The following WDR44 variants were observed in gnomAD, a reference collection of about 807,000 sequenced individuals.
WDR44 encodes the protein WD repeat-containing protein 44.
Under a neutral mutation model 65.7 loss-of-function variants are expected in WDR44, and 9 were observed. The ratio of observed to expected loss-of-function variants is 0.14; its 90% confidence interval spans 0.08 to 0.24. The LOEUF (loss-of-function observed/expected upper bound fraction) is 0.24, where lower values mean the gene tolerates loss of function less well. Among genes scored for constraint, WDR44 ranks in the 10% least tolerant of loss-of-function variants. The pLI is 1.00. For synonymous variants in WDR44, 220 were observed against 235.2 expected, an observed-to-expected ratio of 0.94 and a Z score of 0.59; for missense variants, 425 against 670.9, an observed-to-expected ratio of 0.63 and a Z score of 4.05.
intron 12 of WDR44, among the ~76,000 whole-genome samples, chrX:118,431,894 TTTTG>T (rs201858148): frequency 0.16 from 17,048 of 109,088 alleles, 2,575 homozygotes; most frequent in African/African-American, 0.44. Context: ...TTGTTGTGTG[TTTTG>T]TTTGTTTGTT....
intron 1 of WDR44, among the ~76,000 whole-genome samples, chrX:118,357,000 T>G (rs1330791814): frequency 9.2e-6 from 1 of 108,614 alleles, no homozygotes; most frequent in African/African-American, 3.4e-5. Flanking sequence ...GCCCAGCTAA[T>G]TTTTGTATTT....
intron 1 of WDR44, among the ~76,000 whole-genome samples, chrX:118,355,003 C>CTTAAT (rs1220539943): frequency 7.1e-5 from 8 of 112,227 alleles, no homozygotes; most frequent in African/African-American, 2.6e-4. Context: ...TGTGGATGAA[C>CTTAAT]TTAATATCCA....
At chrX:118,436,624 C>T in intron 13 of WDR44, 78 bp from the exon 14 acceptor site, 1 of 1,100,436 alleles carries the variant, frequency 9.1e-7, no homozygotes. Context: ...GATACAAAAA[C>T]CAAAAGTTCA....
chrX:118,409,159 C>T (rs1052957178), intron 10 of WDR44, among the ~76,000 whole-genome samples: 5 of 110,767 alleles, frequency 4.5e-5, no homozygotes, highest in South Asian at 3.8e-4. Context: ...GATAGAGTTT[C>T]GCTTTTGTTG....
rs1052514891 is a variant in WDR44 at position 118,407,562 on chromosome X, A to G, written c.1533+536A>G. 6.3e-5 allele frequency among the ~76,000 whole-genome samples: 7 copies of G among 111,785 alleles called. 1 individual carries two copies. The highest frequency in any genetic ancestry group is 2.3e-4 in the African/African-American group (7 of 30,849). On this transcript the variant is annotated intron_variant, in intron 10 of 19. Transcript: ENST00000254029. ...AATAAGTAAACTCTCAGGCTGTATC[A>G]CTAAGAAAGCTATGCAAAGGCACCA...
chrX:118,388,655 T>C (rs1247313788), intron 3 of WDR44, among the ~76,000 whole-genome samples: 1 of 111,539 alleles, frequency 9.0e-6, no homozygotes, highest in Non-Finnish European at 1.9e-5. Flanking sequence ...GAATGGTGGA[T>C]TGCATAGCAG....
chrX:118,381,285 A>G (rs2147690130), intron 2 of WDR44, among the ~76,000 whole-genome samples: 1 of 111,122 alleles, frequency 9.0e-6, no homozygotes, highest in South Asian at 3.8e-4. Flanking sequence ...CCTGGCCAAC[A>G]TGGTGAAACT....
intron 2 of WDR44, among the ~76,000 whole-genome samples, chrX:118,380,711 G>C (rs1269672634): frequency 8.9e-6 from 1 of 111,876 alleles, no homozygotes; most frequent in African/African-American, 3.2e-5. Context: ...GTATACAAAA[G>C]GGCAATTTAT....
chrX:118,401,075 G>T (rs1382389083), intron 8 of WDR44, among the ~76,000 whole-genome samples: 1 of 53,766 alleles, frequency 1.9e-5, no homozygotes, highest in Non-Finnish European at 3.1e-5. Context: ...ATCATTGTTG[G>T]ACATTTGGGT....
rs758663531 is a variant in WDR44, at chrX:118,373,197, G to A, written c.78-5222G>A. On this transcript the variant is annotated intron_variant, in intron 1 of 19. Coordinates refer to ENST00000254029, the MANE Select transcript of WDR44 (RefSeq NM_019045.5). ...AGACATTCCAGGCATAGTAACTTAG[G>A]GTCCTTGAAGGCAAATAAATCTGCA... 2.7e-5 allele frequency among the ~76,000 whole-genome samples: 3 copies of A among 110,769 alleles called. No individual in the cohort carries two copies. The East Asian group carries it at 8.6e-4, about 32-fold the overall frequency.
intron 12 of WDR44, among the ~76,000 whole-genome samples, chrX:118,422,415 G>T (rs934821426): frequency 9.1e-6 from 1 of 109,335 alleles, no homozygotes; most frequent in Non-Finnish European, 1.9e-5. Context: ...TTTGAGCCAG[G>T]CGCGGTGGCT....
Position 118,441,436 on chromosome X carries a change from A to G in WDR44, c.2043A>G (p.Lys681=), listed in dbSNP as rs1297553688. 8.3e-7 allele frequency: 1 copy of G among 1,210,868 alleles called. No homozygotes were observed. The highest frequency in any genetic ancestry group is 1.1e-6 in the Non-Finnish European group (1 of 894,824). ...GCCTTTGGAACATACCTGACAAAAA[A>G]GTGGCTTTGTGGAATGAAGTAGATG... The part of the protein sequence containing the change: ...KLRLWNIPDK[K]VALWNEVDGQ... Residue 681 remains lysine, a synonymous_variant, in exon 15 of 20, where the codon AAA becomes AAG. Transcript: ENST00000254029.
At chrX:118,437,581 T>A (rs1226087820) in intron 14 of WDR44, among the ~76,000 whole-genome samples, 1 of 112,337 alleles carries the variant, frequency 8.9e-6, no homozygotes, top group Non-Finnish European at 1.9e-5. Context: ...AGTGGTGTCC[T>A]CATCTTTATA....
intron 1 of WDR44, among the ~76,000 whole-genome samples, chrX:118,354,344 G>A (rs2056440428): frequency 9.1e-6 from 1 of 109,882 alleles, no homozygotes; most frequent in African/African-American, 3.3e-5. Flanking sequence ...CTTGGGCCCA[G>A]GAGGTCGAGG....
intron 12 of WDR44, among the ~76,000 whole-genome samples, chrX:118,420,583 A>G: frequency 9.0e-6 from 1 of 111,404 alleles, no homozygotes; most frequent in South Asian, 3.8e-4. Context: ...ACGGCCCTTT[A>G]TCTCCCCCAC....
At chrX:118,435,240 G>A (rs909972935) in intron 13 of WDR44, among the ~76,000 whole-genome samples, 3 of 111,910 alleles carry the variant, frequency 2.7e-5, no homozygotes, top group African/African-American at 9.7e-5. Flanking sequence ...GCTATTGCAG[G>A]AATTGAATAC....
chrX:118,369,618 A>G (rs776777462), intron 1 of WDR44, among the ~76,000 whole-genome samples: 1,256 of 99,153 alleles, frequency 0.013, 2 homozygotes, highest in Non-Finnish European at 0.016. Flanking sequence ...ACAGGCGCCC[A>G]CCACCACGCC....
intron 1 of WDR44, among the ~76,000 whole-genome samples, chrX:118,352,220 C>A (rs767925222): frequency 0.01 from 957 of 95,381 alleles, 8 homozygotes; most frequent in Admixed American, 0.014. Flanking sequence ...GCAATCTCAG[C>A]TCACTGCAGC....
intron 18 of WDR44, 124 bp downstream of exon 18, chrX:118,443,811 C>G (rs5957001): frequency 0.23 from 153,718 of 655,708 alleles, 14,214 homozygotes; most frequent in African/African-American, 0.4. Flanking sequence ...TTGGGAGGCC[C>G]ATACGGGTGT....
Sources: allele counts gnomAD v4.1 joint callset (sites outside exome capture counted in the v4.1 genomes callset), GRCh38; gene constraint gnomAD v4.1.1; transcripts MANE v1.5; gene names NCBI Gene and HGNC (gene_info 2026-07-23, HGNC 2026-07-21).